Variants in ERBB4 observed in about 807,000 individuals in gnomAD.
ERBB4 encodes erb-b2 receptor tyrosine kinase 4.
ERBB4 carries 42 observed loss-of-function variants against 158.0 expected under a neutral mutation model. That is an observed-to-expected ratio of 0.27 (90% CI 0.21 to 0.34). The LOEUF (loss-of-function observed/expected upper bound fraction) is 0.34. Ranked by LOEUF, ERBB4 falls within the 10% of genes least tolerant of loss-of-function variation. The pLI, the probability that ERBB4 is intolerant of heterozygous loss-of-function variation, is 1.00. For synonymous variants in ERBB4, 583 were observed against 558.7 expected (o/e 1.04, Z -0.61); for missense variants, 1,333 against 1,624.1 (o/e 0.82, Z 3.08).
intron 1 of ERBB4, among the ~76,000 whole-genome samples, chr2:212,286,767 A>ATTTTTTTTTTTT (rs748586400): frequency 0.4 from 15,903 of 39,430 alleles, 6,399 homozygotes; most frequent in Non-Finnish European, 0.48. Context: ...ATGAGGGTTA[A>ATTTTTTTTTTTT]TTTTTTTTTT....
chr2:211,443,233 G>T (rs2064030144), intron 20 of ERBB4, among the ~76,000 whole-genome samples: 1 of 151,914 alleles, frequency 6.6e-6, no homozygotes, highest in Non-Finnish European at 1.5e-5. Flanking sequence ...AAGAGGAAAA[G>T]GTATAATAAA....
intron 2 of ERBB4, among the ~76,000 whole-genome samples, chr2:212,076,647 G>A (rs1482540211): frequency 6.6e-6 from 1 of 151,900 alleles, no homozygotes; most frequent in African/African-American, 2.4e-5. Flanking sequence ...CAAGAGGTAT[G>A]CTAGTTCACA....
intron 25 of ERBB4, among the ~76,000 whole-genome samples, chr2:211,416,484 T>A (rs1362958625): frequency 6.6e-6 from 1 of 152,158 alleles, no homozygotes; most frequent in Admixed American, 6.5e-5. Flanking sequence ...CCTGACCATA[T>A]GTAAAAATAG....
At chr2:211,435,423 T>TGAGAA (rs2063828015) in intron 20 of ERBB4, among the ~76,000 whole-genome samples, 1 of 152,182 alleles carries the variant, frequency 6.6e-6, no homozygotes, top group Non-Finnish European at 1.5e-5. Context: ...ATTTTAAATA[T>TGAGAA]GAGAAAACAA....
intron 20 of ERBB4, among the ~76,000 whole-genome samples, chr2:211,463,725 C>T (rs1336876491): frequency 1.3e-5 from 2 of 152,056 alleles, no homozygotes; most frequent in South Asian, 2.1e-4. Flanking sequence ...TACAGCAGGC[C>T]TTTCCAGGAA....
intron 1 of ERBB4, among the ~76,000 whole-genome samples, chr2:212,336,651 G>T (rs73987371): frequency 0.015 from 2,244 of 152,148 alleles, 58 homozygotes; most frequent in African/African-American, 0.051. Context: ...TCCCTGAACT[G>T]CCAGTGAAAT....
chr2:212,169,941 T>C (rs988351237), intron 1 of ERBB4, among the ~76,000 whole-genome samples: 1 of 152,180 alleles, frequency 6.6e-6, no homozygotes, highest in Admixed American at 6.5e-5. Flanking sequence ...CTTTATAAAT[T>C]ACCCAGTCTC....
chr2:211,419,830 A>T (rs2063477641), intron 25 of ERBB4, among the ~76,000 whole-genome samples: 2 of 152,104 alleles, frequency 1.3e-5, no homozygotes, highest in Admixed American at 1.3e-4. Context: ...AATGGAATTC[A>T]TATAGAGTAG....
At chr2:212,126,250 G>A (rs1371915066) in intron 1 of ERBB4, among the ~76,000 whole-genome samples, 2 of 151,904 alleles carry the variant, frequency 1.3e-5, no homozygotes, top group African/African-American at 4.8e-5. Context: ...GATTACCTGA[G>A]GTCAGGAGTT....
intron 20 of ERBB4, among the ~76,000 whole-genome samples, chr2:211,461,080 T>TG (rs937557064): frequency 1.7e-5 from 2 of 118,420 alleles, no homozygotes; most frequent in African/African-American, 2.8e-5. Flanking sequence ...TCCTAGAGAT[T>TG]GGGGGAAAAA....
At chr2:212,289,989 A>C (rs2086145924) in intron 1 of ERBB4, among the ~76,000 whole-genome samples, 1 of 152,152 alleles carries the variant, frequency 6.6e-6, no homozygotes, top group Non-Finnish European at 1.5e-5. Flanking sequence ...ATATGTCTAA[A>C]TACTTTATTA....
intron 2 of ERBB4, among the ~76,000 whole-genome samples, chr2:211,996,317 G>A (rs1471506187): frequency 6.7e-6 from 1 of 149,806 alleles, no homozygotes; most frequent in Non-Finnish European, 1.5e-5. Context: ...CATTATCCTT[G>A]TTTTATTATT....
chr2:211,476,498 G>A (rs2064957775), intron 20 of ERBB4, among the ~76,000 whole-genome samples: 1 of 151,714 alleles, frequency 6.6e-6, no homozygotes, highest in South Asian at 2.1e-4. Flanking sequence ...TAAAGCTAAT[G>A]GAGACCCTGA....
chr2:212,176,084 G>C (rs2081653606), intron 1 of ERBB4, among the ~76,000 whole-genome samples: 1 of 151,922 alleles, frequency 6.6e-6, no homozygotes, highest in Non-Finnish European at 1.5e-5. Flanking sequence ...ACTAAGTTTA[G>C]AGTACAAACT....
chr2:211,485,880 A>G (rs1041722177), intron 20 of ERBB4, among the ~76,000 whole-genome samples: 2 of 151,392 alleles, frequency 1.3e-5, no homozygotes, highest in African/African-American at 4.8e-5. Context: ...GAAAAGAAAT[A>G]AAAGGCATTA....
In ERBB4 at chr2:211,495,428, A is replaced by G. The variant is rs78795569; in HGVS notation, c.2488-64328T>C. Among the ~76,000 whole-genome samples, 328 of 152,240 alleles carry G rather than the reference A, an allele frequency of 2.2e-3. 3 individuals are homozygous for G. Among genetic ancestry groups the G allele is most frequent in the African/African-American group, 7.6e-3 (317 of 41,576 alleles). ...ATGAGAGAGCTGTTAATAAATTTGTATAAGGATATGTAAAAACAACTATTT... is the reference window on the plus strand; with the variant it reads ...ATGAGAGAGCTGTTAATAAATTTGTGTAAGGATATGTAAAAACAACTATTT... On this transcript the variant is annotated intron_variant, in intron 20 of 27. Transcript: ENST00000342788.
chr2:211,937,584 T>C (rs1430535977), intron 3 of ERBB4, among the ~76,000 whole-genome samples: 1 of 152,094 alleles, frequency 6.6e-6, no homozygotes, highest in African/African-American at 2.4e-5. Context: ...TGGGGAGGCC[T>C]CATGAAACTC....
At chr2:211,487,474 T>G (rs1347994167) in intron 20 of ERBB4, among the ~76,000 whole-genome samples, 1 of 152,114 alleles carries the variant, frequency 6.6e-6, no homozygotes, top group Admixed American at 6.6e-5. Context: ...TAACTATTAA[T>G]AAATATTTTG....
At position 211,630,608 on chromosome 2, in the gene ERBB4, TG is replaced by T; in HGVS notation, c.1947-15del. The T allele has an allele frequency of 6.3e-7, 1 of 1,590,114 alleles. No individual in the cohort carries two copies. ...ATCAGGGGAGTTCTGACAACCAGAA[TG>T]AGAAAAAAAAAAATAAAAAGTATGA... is the stretch of plus-strand genomic sequence containing the variant. On this transcript the variant is annotated splice_polypyrimidine_tract_variant and intron_variant, in intron 16 of 27. Transcript: ENST00000342788.
Sources: allele counts gnomAD v4.1 joint callset (sites outside exome capture counted in the v4.1 genomes callset), GRCh38; gene constraint gnomAD v4.1.1; transcripts MANE v1.5; gene names NCBI Gene and HGNC (gene_info 2026-07-23, HGNC 2026-07-21).